Variants in SULT6B1 observed in about 807,000 individuals in gnomAD.
The protein encoded by SULT6B1 is sulfotransferase family 6B member 1.
Under a neutral mutation model 37.2 loss-of-function variants are expected in SULT6B1, and 44 were observed. The observed-to-expected ratio is 1.18, with a 90% CI of 0.93 to 1.52. The LOEUF (loss-of-function observed/expected upper bound fraction) is 1.52. SULT6B1 is among the 40% of genes most tolerant of loss of function. The probability of loss-of-function intolerance (pLI) is 0.00; values close to 1 mark genes in which losing one functional copy is unlikely to be tolerated. For synonymous variants in SULT6B1, 140 were observed against 126.0 expected (o/e 1.11, Z -0.74); for missense variants, 450 against 361.0 (o/e 1.25, Z -2.00).
At chr2:37,190,610 G>T (rs1558453483), upstream of SULT6B1, among the ~76,000 whole-genome samples, 1 of 152,302 alleles carries the variant, frequency 6.6e-6, no homozygotes, top group Admixed American at 6.5e-5. Flanking sequence ...GTGAGGGTTG[G>T]CGGGAGGAAA....
At chr2:37,183,232 T>G (rs1676594492) in intron 3 of SULT6B1, among the ~76,000 whole-genome samples, 193 bp downstream of exon 3, 1 of 152,230 alleles carries the variant, frequency 6.6e-6, no homozygotes, top group East Asian at 1.9e-4. Context: ...TTTTATTTCC[T>G]TGTTGAAAAT....
At chr2:37,171,235 G>A (rs1306911269) in intron 6 of SULT6B1, among the ~76,000 whole-genome samples, 199 bp downstream of exon 6, 5 of 152,170 alleles carry the variant, frequency 3.3e-5, no homozygotes, top group Admixed American at 6.5e-5. Context: ...GCGAGACTCC[G>A]TCTCAAAACA....
intron 2 of SULT6B1, among the ~76,000 whole-genome samples, chr2:37,185,960 C>G (rs942305721): frequency 6.6e-6 from 1 of 152,082 alleles, no homozygotes; most frequent in Non-Finnish European, 1.5e-5. Context: ...GGCTTTGGTA[C>G]AGGTGACCCT....
chr2:37,180,873 G>A lies in SULT6B1; in HGVS notation c.403-1289C>T, dbSNP rs186148616. On this transcript the variant is annotated intron_variant, in intron 3 of 6. Coordinates refer to ENST00000535679, the MANE Select transcript of SULT6B1 (RefSeq NM_001367551.1). ...CACTGCATCCTGGGCAGCAGAGCAAGACTCCATCTCAACAATAACAACAAT... is the reference window on the plus strand; with the variant it reads ...CACTGCATCCTGGGCAGCAGAGCAAAACTCCATCTCAACAATAACAACAAT... 4.6e-3 allele frequency among the ~76,000 whole-genome samples: 695 copies of A among 152,240 alleles called. 5 individuals carry two copies. Among genetic ancestry groups the A allele is most frequent in the Non-Finnish European group, 7.9e-3 (538 of 68,012 alleles).
At chr2:37,179,381 C>G (rs1676500337) in intron 4 of SULT6B1, 77 bp downstream of exon 4, 1 of 1,577,198 alleles carries the variant, frequency 6.3e-7, no homozygotes, top group Non-Finnish European at 8.6e-7. Context: ...CTTCCTTTAC[C>G]CTAAAACACA....
rs1248611689 is a variant in SULT6B1 at position 37,175,224 on chromosome 2, A to G, written c.532T>C (p.Ser178Pro). Residue 178 changes from serine to proline, a missense_variant and splice_region_variant, in exon 5 of 7, where the codon TCT (serine) becomes CCT (proline). By Grantham distance (74) the Ser-to-Pro change is moderately conservative. Transcript: ENST00000535679. Reference sequence around the variant, plus strand: ...GCAAAATCAAAATACCTTCCCCAAGAAACTAAAAACACAGGGGGGAAGACT... The same window carrying G: ...GCAAAATCAAAATACCTTCCCCAAGGAACTAAAAACACAGGGGGGAAGACT... Reference protein sequence around the residue: ...FFRQFMKGQVSWGRYFDFAIN... With the variant: ...FFRQFMKGQVPWGRYFDFAIN... The G allele has an allele frequency of 6.4e-7, 1 of 1,568,284 alleles. No individual in the cohort carries two copies. The highest frequency in any genetic ancestry group is 1.4e-5 in the African/African-American group (1 of 73,796).
At chr2:37,176,418 C>A (rs1394742539) in intron 4 of SULT6B1, among the ~76,000 whole-genome samples, 2 of 152,020 alleles carry the variant, frequency 1.3e-5, no homozygotes, top group Admixed American at 6.6e-5. Context: ...CACCACCATG[C>A]CTGGCTAATT....
intron 4 of SULT6B1, among the ~76,000 whole-genome samples, chr2:37,175,788 C>T (rs1311278038): frequency 6.6e-6 from 1 of 152,062 alleles, no homozygotes; most frequent in Non-Finnish European, 1.5e-5. Context: ...CTTCAAAAGC[C>T]ATGGAGTATG....
chr2:37,175,726 T>C (rs1025867158), intron 4 of SULT6B1, among the ~76,000 whole-genome samples: 2 of 152,212 alleles, frequency 1.3e-5, no homozygotes, highest in Admixed American at 6.5e-5. Context: ...TATTCCATCA[T>C]ATAATCAACA....
chr2:37,194,447 G>C (rs982645320), intron 1 of SULT6B1: 1 of 431,746 alleles, frequency 2.3e-6, no homozygotes, highest in Admixed American at 2.6e-5. Flanking sequence ...CTTATTTGGT[G>C]AATCTTCATC....
At chr2:37,170,222 T>C (rs1370641702) in intron 6 of SULT6B1, among the ~76,000 whole-genome samples, 1 of 151,560 alleles carries the variant, frequency 6.6e-6, no homozygotes, top group Non-Finnish European at 1.5e-5. Context: ...TCCCAGCACA[T>C]TGGGAGGCCG....
chr2:37,173,548 G>C (rs1270980750), intron 5 of SULT6B1, among the ~76,000 whole-genome samples: 1 of 152,062 alleles, frequency 6.6e-6, no homozygotes, highest in African/African-American at 2.4e-5. Context: ...AATTTAATGT[G>C]TCCAAAACCA....
At chr2:37,177,439 A>AG (rs1208905569) in intron 4 of SULT6B1, among the ~76,000 whole-genome samples, 1 of 138,062 alleles carries the variant, frequency 7.2e-6, no homozygotes, top group East Asian at 3.4e-4. Flanking sequence ...AAAAAGAAAG[A>AG]AAGAAAAAAA....
In SULT6B1 at chr2:37,168,059, A is replaced by G. The variant is rs762995233; in HGVS notation, c.788T>C (p.Val263Ala). Reference sequence around the variant, plus strand: ...ACTGAACAAATTTTTCCAATCACCAACTTCACCTACAACACACAAAAAACA... The same window carrying G: ...ACTGAACAAATTTTTCCAATCACCAGCTTCACCTACAACACACAAAAAACA... ...VGPFLFRKGE[V>A]GDWKNLFSEI... Residue 263 changes from valine to alanine, a missense_variant, in exon 7 of 7, where the codon GTT becomes GCT. Physicochemically the swap from Val to Ala is moderately conservative, Grantham distance 64. Coordinates refer to ENST00000535679, the MANE Select transcript of SULT6B1 (RefSeq NM_001367551.1). The G allele has an allele frequency of 3.1e-6, 5 of 1,589,750 alleles. No individual in the cohort carries two copies. Among genetic ancestry groups the G allele is most frequent in the Non-Finnish European group, 4.3e-6 (5 of 1,173,576 alleles).
chr2:37,190,909 C>G (rs1676767684), upstream of SULT6B1, among the ~76,000 whole-genome samples: 1 of 152,000 alleles, frequency 6.6e-6, no homozygotes, highest in South Asian at 2.1e-4. Flanking sequence ...GGGCTCTGCA[C>G]TTGGTTTGTT....
chr2:37,175,299 T>C, intron 4 of SULT6B1, 73 bp from the exon 5 acceptor site: 1 of 812,340 alleles, frequency 1.2e-6, no homozygotes. Flanking sequence ...ATTTATGCTA[T>C]AAAATATAAA....
upstream of SULT6B1, among the ~76,000 whole-genome samples, chr2:37,189,050 G>A (rs571586039): frequency 6.6e-6 from 1 of 152,266 alleles, no homozygotes; most frequent in East Asian, 1.9e-4. Flanking sequence ...ATCCTCTGTG[G>A]TGTGAAAGGA....
intron 4 of SULT6B1, among the ~76,000 whole-genome samples, chr2:37,178,261 G>A (rs564709821): frequency 6.6e-6 from 1 of 151,622 alleles, no homozygotes; most frequent in African/African-American, 2.4e-5. Flanking sequence ...TTTTTGAGTT[G>A]GAGTTTTGCT....
intron 5 of SULT6B1, among the ~76,000 whole-genome samples, 199 bp downstream of exon 5, chr2:37,174,933 C>T (rs539786578): frequency 3.3e-5 from 5 of 152,180 alleles, no homozygotes; most frequent in Admixed American, 6.5e-5. Flanking sequence ...AGTTGCTAAG[C>T]GTTATTTTAT....
Sources: gnomAD v4.1 joint callset for allele counts (sites outside exome capture counted in the v4.1 genomes callset) on GRCh38, gnomAD v4.1.1 for gene constraint, MANE v1.5 for transcripts, NCBI Gene and HGNC (gene_info 2026-07-23, HGNC 2026-07-21) for gene names.